PDE11A: variants seen among roughly 807,000 people sequenced by gnomAD.
The protein encoded by PDE11A is phosphodiesterase 11A, also known as dual 3',5'-cyclic-AMP and -GMP phosphodiesterase 11A.
Under a neutral mutation model 100.5 loss-of-function variants are expected in PDE11A, and 100 were observed. The observed-to-expected ratio is 1.00, with a 90% CI of 0.85 to 1.18. PDE11A has a LOEUF of 1.18. Among genes scored for constraint, PDE11A ranks in the 50% most tolerant of loss-of-function variants. The pLI is 0.00. For missense variants in PDE11A, 1,141 were observed against 1,152.6 expected (o/e 0.99, Z 0.15); for synonymous variants, 381 against 420.8 (o/e 0.91, Z 1.16).
intron 1 of PDE11A, among the ~76,000 whole-genome samples, chr2:178,041,392 C>T (rs756911834): frequency 3.1e-4 from 47 of 151,954 alleles, no homozygotes; most frequent in Non-Finnish European, 6.2e-4. Context: ...TACAGGCATG[C>T]ACCACCACGC....
At chr2:177,675,025 C>G (rs1003186765) in intron 17 of PDE11A, among the ~76,000 whole-genome samples, 1 of 151,860 alleles carries the variant, frequency 6.6e-6, no homozygotes, top group Non-Finnish European at 1.5e-5. Flanking sequence ...ATATTTTGAC[C>G]ACAGAGGTTT....
chr2:178,050,865 C>A (rs1341670528), intron 1 of PDE11A, among the ~76,000 whole-genome samples: 2 of 152,084 alleles, frequency 1.3e-5, no homozygotes, highest in Non-Finnish European at 2.9e-5. Flanking sequence ...TGTGAAAAGA[C>A]CAAATCTACG....
At chr2:178,015,130 C>A (rs1288176820) in intron 1 of PDE11A, among the ~76,000 whole-genome samples, 2 of 151,992 alleles carry the variant, frequency 1.3e-5, no homozygotes, top group East Asian at 3.9e-4. Context: ...AGTGCCACAC[C>A]CAAAGATTCC....
chr2:177,869,930 A>G (rs1283292808), intron 5 of PDE11A, among the ~76,000 whole-genome samples: 1 of 152,250 alleles, frequency 6.6e-6, no homozygotes, highest in Non-Finnish European at 1.5e-5. Context: ...AATGAATTAC[A>G]TGTCACTGGA....
At chr2:178,037,950 G>A (rs977038060) in intron 1 of PDE11A, among the ~76,000 whole-genome samples, 1 of 151,904 alleles carries the variant, frequency 6.6e-6, no homozygotes, top group Non-Finnish European at 1.5e-5. Context: ...ATGACGGGTT[G>A]ATAGGTGCAG....
chr2:177,937,774 C>T (rs1574292164), intron 2 of PDE11A, among the ~76,000 whole-genome samples: 1 of 152,142 alleles, frequency 6.6e-6, no homozygotes, highest in Non-Finnish European at 1.5e-5. Flanking sequence ...ATCCTGTATA[C>T]CCCAGACAGG....
chr2:178,036,343 A>G (rs2086613682), intron 1 of PDE11A, among the ~76,000 whole-genome samples: 1 of 152,220 alleles, frequency 6.6e-6, no homozygotes, highest in Admixed American at 6.5e-5. Flanking sequence ...CTCAAGGAGA[A>G]CTACAAACCA....
At chr2:177,736,520 A>G (rs2081785540) in intron 10 of PDE11A, among the ~76,000 whole-genome samples, 1 of 151,636 alleles carries the variant, frequency 6.6e-6, no homozygotes, top group African/African-American at 2.4e-5. Context: ...TAAAAGAAAA[A>G]AAAAAGAAAA....
At chr2:177,631,546 T>TACAC (rs1231635769) in intron 19 of PDE11A, among the ~76,000 whole-genome samples, 11 of 16,620 alleles carry the variant, frequency 6.6e-4, no homozygotes, top group African/African-American at 1.6e-3. Context: ...TATATATATA[T>TACAC]ACACATGTAT....
intron 16 of PDE11A, 22 bp downstream of exon 16, chr2:177,680,804 A>G (rs529481052): frequency 8.8e-6 from 12 of 1,363,022 alleles, no homozygotes; most frequent in African/African-American, 8.6e-5. Flanking sequence ...GAAGAAACAC[A>G]TAAACAAGAG....
intron 9 of PDE11A, among the ~76,000 whole-genome samples, chr2:177,790,832 A>G (rs537561807): frequency 4.6e-5 from 7 of 152,350 alleles, no homozygotes; most frequent in South Asian, 2.1e-4. Context: ...CAAAACCACA[A>G]TGAGATACCA....
Position 178,055,118 on chromosome 2 carries a change from C to A in PDE11A, c.912+16408G>T, listed in dbSNP as rs192132329. Among the ~76,000 whole-genome samples, 270 of 152,204 alleles carry A rather than the reference C, an allele frequency of 1.8e-3. 6 individuals are homozygous for A. In the East Asian group the frequency reaches 0.049, roughly 28 times the overall value. On this transcript the variant is annotated intron_variant, in intron 1 of 19. Coordinates refer to ENST00000286063, the MANE Select transcript of PDE11A (RefSeq NM_016953.4). ...AACCCAAATGTCCATCAATGATAGA[C>A]TGGATTAAGAAAATGTGGCACATAT...
intron 15 of PDE11A, among the ~76,000 whole-genome samples, chr2:177,685,047 G>A (rs9288009): frequency 0.12 from 18,238 of 152,136 alleles, 2,236 homozygotes; most frequent in African/African-American, 0.31. Context: ...CCAAGAAATC[G>A]CTAGAATTAA....
At chr2:177,737,298 G>T (rs1248348404) in intron 10 of PDE11A, among the ~76,000 whole-genome samples, 2 of 151,368 alleles carry the variant, frequency 1.3e-5, no homozygotes, top group Admixed American at 1.3e-4. Flanking sequence ...CACATTATTG[G>T]CTGGGTGCGG....
intron 15 of PDE11A, chr2:177,687,735 C>A (rs1416644185): frequency 6.6e-6 from 1 of 152,036 alleles, no homozygotes; most frequent in Non-Finnish European, 1.5e-5. Context: ...CATAGAATGA[C>A]TTCTTTTCTA....
intron 14 of PDE11A, among the ~76,000 whole-genome samples, chr2:177,700,860 A>G (rs145440533): frequency 1.5e-3 from 232 of 152,322 alleles, no homozygotes; most frequent in Non-Finnish European, 2.5e-3. Context: ...CAAGCAGTCT[A>G]TATCTGTTAC....
chr2:177,800,679 C>A lies in PDE11A; in HGVS notation c.1737+16150G>T, dbSNP rs566249683. ...ACTGGGCACATAATGGTGAACCAGA[C>A]CCATAGACATATTTCTATACATAAG... is the stretch of plus-strand genomic sequence containing the variant. On this transcript the variant is annotated intron_variant, in intron 9 of 19. Coordinates refer to ENST00000286063, the MANE Select transcript of PDE11A (RefSeq NM_016953.4). Among the ~76,000 whole-genome samples, 56 of 152,164 alleles carry A rather than the reference C, an allele frequency of 3.7e-4. 1 individual carries two copies. Among genetic ancestry groups the A allele is most frequent in the Non-Finnish European group, 6.8e-4 (46 of 68,042 alleles).
chr2:177,751,000 A>G (rs942278713), intron 10 of PDE11A, among the ~76,000 whole-genome samples: 1 of 152,032 alleles, frequency 6.6e-6, no homozygotes, highest in East Asian at 1.9e-4. Flanking sequence ...AGGTATTGGT[A>G]TTATTTTCAA....
intron 9 of PDE11A, among the ~76,000 whole-genome samples, chr2:177,802,467 G>C (rs1458906017): frequency 2.0e-5 from 3 of 152,052 alleles, no homozygotes; most frequent in Admixed American, 2.0e-4. Flanking sequence ...TATTGATCAA[G>C]AGGAGAATGG....
Sources: allele counts gnomAD v4.1 joint callset (sites outside exome capture counted in the v4.1 genomes callset), GRCh38; gene constraint gnomAD v4.1.1; transcripts MANE v1.5; gene names NCBI Gene and HGNC (gene_info 2026-07-23, HGNC 2026-07-21).